The following ANKAR variants were observed in gnomAD, a reference collection of about 807,000 sequenced individuals.
ANKAR encodes the protein ankyrin and armadillo repeat containing, also known as ankyrin and armadillo repeat-containing protein.
ANKAR carries 136 observed loss-of-function variants against 146.2 expected under a neutral mutation model. That is an observed-to-expected ratio of 0.93 (90% CI 0.81 to 1.07). The LOEUF is 1.07. Among genes scored for constraint, ANKAR ranks in the 50% least tolerant of loss-of-function variants. The pLI is 0.00. For missense variants in ANKAR, 1,567 were observed against 1,679.9 expected, an observed-to-expected ratio of 0.93 and a Z score of 1.18; for synonymous variants, 500 against 575.8, an observed-to-expected ratio of 0.87 and a Z score of 1.88.
intron 18 of ANKAR, chr2:189,755,057 A>C: frequency 8.0e-7 from 1 of 1,247,232 alleles, no homozygotes; most frequent in Admixed American, 2.9e-5. Flanking sequence ...AATTTTTTTC[A>C]GTTTACTAAG....
intron 7 of ANKAR, among the ~76,000 whole-genome samples, chr2:189,702,985 T>C (rs188706137): frequency 6.6e-6 from 1 of 152,292 alleles, no homozygotes; most frequent in East Asian, 1.9e-4. Flanking sequence ...GCACTATTAA[T>C]AATTATGCTA....
At chr2:189,688,319 C>T (rs114821181) in intron 2 of ANKAR, among the ~76,000 whole-genome samples, 2,507 of 152,166 alleles carry the variant, frequency 0.016, 68 homozygotes, top group African/African-American at 0.057. Context: ...TTGGTCTAGG[C>T]GTCTGTTTTT....
rs756668968 is a variant in ANKAR, at chr2:189,676,591, T to G, written c.101T>G (p.Phe34Cys). ...NLAIQRNASA[F>C]FEKYDRSEIQ... is the part of the protein sequence containing the mutation. Reference sequence around the variant, plus strand: ...GCAATACAAAGAAATGCATCTGCTTTTTTTGAAAAATATGATCGGAGTGAA... The same window carrying G: ...GCAATACAAAGAAATGCATCTGCTTGTTTTGAAAAATATGATCGGAGTGAA... Residue 34 changes from phenylalanine to cysteine, a missense_variant, in exon 2 of 23, where the codon TTT (phenylalanine) becomes TGT (cysteine). By Grantham distance (205) the Phe-to-Cys change is radical. Transcript: ENST00000684021. The G allele has an allele frequency of 6.2e-7, 1 of 1,613,156 alleles. No homozygotes were observed. The highest frequency in any genetic ancestry group is 1.7e-5 in the Admixed American group (1 of 60,018).
intron 18 of ANKAR, chr2:189,755,537 G>T: frequency 6.3e-7 from 1 of 1,599,420 alleles, no homozygotes; most frequent in Non-Finnish European, 8.5e-7. Context: ...CTGTTGAGCT[G>T]CTGGAGGAAC....
At chr2:189,727,681 T>G in intron 12 of ANKAR, 175 bp from the exon 13 acceptor site, 1 of 664,460 alleles carries the variant, frequency 1.5e-6, no homozygotes, top group Non-Finnish European at 2.4e-6. Context: ...ATGCCAAATG[T>G]TTGATTGTGT....
chr2:189,744,936 T>C, intron 22 of ANKAR, 148 bp downstream of exon 22: 1 of 564,286 alleles, frequency 1.8e-6, no homozygotes, highest in South Asian at 1.9e-5. Context: ...GGTGGGCAGA[T>C]CACTTGAGGT....
rs2043188018 is a variant in ANKAR at position 189,740,081 on chromosome 2, G to A, written c.3701-1261G>A. ...GATGTGCTTGGTGTCAAGTTGACAT[G>A]GTTTCCAGAAGATGCTCCAAAGGCA... On this transcript the variant is annotated intron_variant, in intron 19 of 22. Coordinates refer to ENST00000684021, the MANE Select transcript of ANKAR (RefSeq NM_001378068.1). Among the ~76,000 whole-genome samples the A allele has an allele frequency of 2.0e-5, 3 of 152,112 alleles. No homozygotes were observed. In the South Asian group the frequency reaches 6.2e-4, roughly 32 times the overall value.
At chr2:189,703,513 T>C (rs1359238966) in intron 7 of ANKAR, among the ~76,000 whole-genome samples, 1 of 152,142 alleles carries the variant, frequency 6.6e-6, no homozygotes, top group African/African-American at 2.4e-5. Flanking sequence ...AGGATAGTAG[T>C]TCAATTTTGA....
At position 189,702,584 on chromosome 2, in the gene ANKAR, G is replaced by A. The variant is rs370260125; in HGVS notation, c.1709-2439G>A. Among the ~76,000 whole-genome samples, 21 of 152,294 alleles carry A rather than the reference G, an allele frequency of 1.4e-4. No individual in the cohort carries two copies. The East Asian group carries it at 1.9e-3, about 14-fold the overall frequency. The stretch of plus-strand genomic sequence containing the variant: ...CACTTCTCTGACAAACTTAAGGGCT[G>A]TTGATTTCTTTAGGGTTGGTTCAGC... On this transcript the variant is annotated intron_variant, in intron 7 of 22. Transcript: ENST00000684021.
chr2:189,702,207 T>G (rs2038173357), intron 7 of ANKAR, among the ~76,000 whole-genome samples: 1 of 152,210 alleles, frequency 6.6e-6, no homozygotes, highest in Non-Finnish European at 1.5e-5. Context: ...AGAGCAGGTC[T>G]TGTTAAGAAC....
chr2:189,707,783 G>A (rs1268655156), intron 9 of ANKAR, among the ~76,000 whole-genome samples: 3 of 151,828 alleles, frequency 2.0e-5, no homozygotes, highest in Non-Finnish European at 4.4e-5. Context: ...AGCATTCAAG[G>A]GAAAACAAGA....
intron 10 of ANKAR, among the ~76,000 whole-genome samples, chr2:189,714,689 G>A (rs1443203582): frequency 6.6e-6 from 1 of 152,150 alleles, no homozygotes; most frequent in Non-Finnish European, 1.5e-5. Flanking sequence ...GCTCATGCCT[G>A]TAATCCCAGA....
intron 7 of ANKAR, among the ~76,000 whole-genome samples, chr2:189,699,770 G>A (rs1354191620): frequency 2.0e-5 from 3 of 151,538 alleles, no homozygotes; most frequent in Non-Finnish European, 3.0e-5. Context: ...GGGTTCAAGC[G>A]ATTCTCCCAC....
At chr2:189,741,146 A>G (rs1408070549) in intron 19 of ANKAR, among the ~76,000 whole-genome samples, 196 bp from the exon 20 acceptor site, 1 of 152,212 alleles carries the variant, frequency 6.6e-6, no homozygotes, top group Non-Finnish European at 1.5e-5. Flanking sequence ...AATTTACACT[A>G]TTTGTGACAG....
At chr2:189,681,275 G>C (rs968216968) in intron 2 of ANKAR, among the ~76,000 whole-genome samples, 1 of 152,194 alleles carries the variant, frequency 6.6e-6, no homozygotes, top group Non-Finnish European at 1.5e-5. Context: ...CATCCAGTTA[G>C]AGCACCAGTA....
At position 189,730,555 on chromosome 2, in the gene ANKAR, C is replaced by T; in HGVS notation, c.3254C>T (p.Pro1085Leu). 13 of 1,603,818 alleles carry T rather than the reference C, an allele frequency of 8.1e-6. No individual in the cohort carries two copies. Among genetic ancestry groups the T allele is most frequent in the Non-Finnish European group, 1.1e-5 (13 of 1,174,234 alleles). Reference protein sequence around the residue: ...QQLVVDENAFPVLIQLLRNHP... With the variant: ...QQLVVDENAFLVLIQLLRNHP... ...TTGGTTGTAGATGAAAATGCCTTTC[C>T]AGTACTTATCCAACTACTAAGAAAT... The change falls in exon 16 of 23, where the codon CCA (proline) becomes CTA (leucine). Residue 1085 changes from proline (P) to leucine (L), a missense_variant. Coordinates refer to ENST00000684021, the MANE Select transcript of ANKAR (RefSeq NM_001378068.1).
At chr2:189,736,251 G>A (rs1055755568) in intron 17 of ANKAR, among the ~76,000 whole-genome samples, 3 of 152,144 alleles carry the variant, frequency 2.0e-5, no homozygotes, top group African/African-American at 4.8e-5. Context: ...GATACCGCAG[G>A]AGTGAACCCT....
rs534329407 is a variant in ANKAR, at chr2:189,676,145, C to T, written c.-35-311C>T. The T allele has an allele frequency of 2.8e-5, 6 of 212,522 alleles. No homozygotes were observed. The East Asian group carries it at 6.8e-4, about 24-fold the overall frequency. The allele number at this position is 212,522 out of a possible 1,614,324, so 13.2% of individuals were successfully genotyped here. A position where few individuals can be genotyped will look rare whatever the true frequency, so the allele number is the denominator to read the frequency against. ...CATATACAAAAGAATGCCTCTCCAACAACAAAATAGGTATGTAACAGTAGC... is the reference window on the plus strand; with the variant it reads ...CATATACAAAAGAATGCCTCTCCAATAACAAAATAGGTATGTAACAGTAGC... On this transcript the variant is annotated intron_variant, in intron 1 of 22. Coordinates refer to ENST00000684021, the MANE Select transcript of ANKAR (RefSeq NM_001378068.1).
intron 7 of ANKAR, 49 bp downstream of exon 7, chr2:189,696,418 AC>A: frequency 2.6e-6 from 4 of 1,554,710 alleles, no homozygotes; most frequent in Non-Finnish European, 3.5e-6. Flanking sequence ...ATTTACCCTT[AC>A]TCAGCATTAG....
Sources: allele counts gnomAD v4.1 joint callset (sites outside exome capture counted in the v4.1 genomes callset), GRCh38; gene constraint gnomAD v4.1.1; transcripts MANE v1.5; gene names NCBI Gene and HGNC (gene_info 2026-07-23, HGNC 2026-07-21).